LAMC1: variants seen among roughly 807,000 people sequenced by gnomAD.
LAMC1 encodes laminin subunit gamma 1.
A neutral mutation model predicts 173.6 loss-of-function variants in LAMC1; 38 were observed. The observed-to-expected ratio is 0.22, with a 90% CI of 0.17 to 0.29. The LOEUF (loss-of-function observed/expected upper bound fraction) is 0.29. LAMC1 is among the 10% of genes least tolerant of loss of function. The pLI is 1.00. For missense variants in LAMC1, 1,824 were observed against 2,051.8 expected (o/e 0.89, Z 2.14); for synonymous variants, 746 against 749.1 (o/e 1.00, Z 0.07).
chr1:183,049,502 C>T (rs527460160), intron 1 of LAMC1, among the ~76,000 whole-genome samples: 54 of 149,496 alleles, frequency 3.6e-4, no homozygotes, highest in Non-Finnish European at 5.9e-4. Flanking sequence ...TTAGCTCTGT[C>T]GCCCAGGCTG....
At chr1:183,081,884 A>C (rs540542958) in intron 1 of LAMC1, among the ~76,000 whole-genome samples, 37 of 152,214 alleles carry the variant, frequency 2.4e-4, no homozygotes, top group Admixed American at 1.6e-3. Flanking sequence ...TGCCCTAACA[A>C]TCCTCTGCTT....
intron 1 of LAMC1, among the ~76,000 whole-genome samples, chr1:183,087,817 C>CT (rs111291713): frequency 0.01 from 1,447 of 143,492 alleles, 10 homozygotes; most frequent in Middle Eastern, 0.04. Flanking sequence ...CTTTTCTTTC[C>CT]TTTTTTTTTT....
intron 1 of LAMC1, among the ~76,000 whole-genome samples, chr1:183,027,287 A>ACT (rs5779150): frequency 0.5 from 75,496 of 151,666 alleles, 19,475 homozygotes; most frequent in South Asian, 0.64. Flanking sequence ...TCCACCAGCC[A>ACT]CTTTTCTAAG....
intron 1 of LAMC1, among the ~76,000 whole-genome samples, chr1:183,073,553 C>T (rs1038899701): frequency 6.6e-6 from 1 of 152,172 alleles, no homozygotes; most frequent in Non-Finnish European, 1.5e-5. Context: ...TTGGAGCCAG[C>T]TTTGCATCAC....
rs1410943230 is a variant in LAMC1 at position 183,078,354 on chromosome 1, G to A, written c.419-24974G>A. Among the ~76,000 whole-genome samples the A allele has an allele frequency of 4.0e-5, 6 of 150,862 alleles. No individual in the cohort carries two copies. In the East Asian group the frequency reaches 8.0e-4, roughly 20 times the overall value. ...TCCCAGCACTTTGGGAGGCCGAGGC[G>A]GTGGATCACGAGGTCAGGAAATCGA... On this transcript the variant is annotated intron_variant, in intron 1 of 27. Coordinates refer to ENST00000258341, the MANE Select transcript of LAMC1 (RefSeq NM_002293.4).
intron 1 of LAMC1, among the ~76,000 whole-genome samples, chr1:183,054,562 C>G (rs1654533684): frequency 6.6e-6 from 1 of 152,150 alleles, no homozygotes; most frequent in Admixed American, 6.5e-5. Context: ...GAGAAGAAAG[C>G]AGGGGTAAAT....
chr1:183,134,883 C>T lies in LAMC1; in HGVS notation c.3999+74C>T, dbSNP rs574197240. On this transcript the variant is annotated intron_variant, in intron 23 of 27. Transcript: ENST00000258341. Reference sequence around the variant, plus strand: ...AGTCCAAATGGGTCTGTGATGATGCCGTACTTTCAGAGACAGCAGACCCCA... The same window carrying T: ...AGTCCAAATGGGTCTGTGATGATGCTGTACTTTCAGAGACAGCAGACCCCA... 1.3e-3 allele frequency: 1,893 copies of T among 1,469,980 alleles called. 3 individuals are homozygous for T. Among genetic ancestry groups the T allele is most frequent in the Non-Finnish European group, 1.7e-3 (1,811 of 1,063,782 alleles). 91.1% of individuals were successfully genotyped at this position (1,469,980 alleles called of 1,614,324 possible). A position where few individuals can be genotyped will look rare whatever the true frequency, so the allele number is the denominator to read the frequency against.
Position 183,134,564 on chromosome 1 carries a change from T to C in LAMC1, c.3850-96T>C, listed in dbSNP as rs1049298179. 3 of 935,332 alleles carry C rather than the reference T, an allele frequency of 3.2e-6. No homozygotes were observed. The African/African-American group carries it at 4.9e-5, about 15-fold the overall frequency. The allele number at this position is 935,332 out of a possible 1,614,324, so 57.9% of individuals were successfully genotyped here. A position where few individuals can be genotyped will look rare whatever the true frequency, so the allele number is the denominator to read the frequency against. Reference sequence around the variant, plus strand: ...GATCTGTGCAGTTCTTTTAAAAATATCATTGAGTATTAGGTGTTACAGAGT... The same window carrying C: ...GATCTGTGCAGTTCTTTTAAAAATACCATTGAGTATTAGGTGTTACAGAGT... On this transcript the variant is annotated intron_variant, in intron 22 of 27. Coordinates refer to ENST00000258341, the MANE Select transcript of LAMC1 (RefSeq NM_002293.4).
At chr1:183,116,442 A>C in intron 6 of LAMC1, 135 bp from the exon 7 acceptor site, 2 of 601,618 alleles carry the variant, frequency 3.3e-6, no homozygotes, top group Non-Finnish European at 2.9e-6. Context: ...GCGCCACTGC[A>C]CTCCATCCTG....
At chr1:183,105,232 AAAAAAAAAAAAAAAG>A (rs1165877308) in intron 2 of LAMC1, among the ~76,000 whole-genome samples, 4 of 144,818 alleles carry the variant, frequency 2.8e-5, no homozygotes, top group South Asian at 2.3e-4. Flanking sequence ...CTCAAAAAAA[AAAAAAAAAAAAAAAG>A]AAAGAAAGAA....
intron 26 of LAMC1, 155 bp downstream of exon 26, chr1:183,137,982 C>A (rs768826823): frequency 4.4e-6 from 3 of 678,146 alleles, no homozygotes; most frequent in Non-Finnish European, 6.6e-6. Context: ...ACATAGAAGA[C>A]AAAGAATTTG....
At chr1:183,114,764 T>G in intron 5 of LAMC1, 45 bp downstream of exon 5, 2 of 1,569,552 alleles carry the variant, frequency 1.3e-6, no homozygotes, top group Non-Finnish European at 1.7e-6. Context: ...GATAGTTCCG[T>G]GGACCCCCGG....
At chr1:183,090,837 G>A (rs964569367) in intron 1 of LAMC1, among the ~76,000 whole-genome samples, 1 of 152,164 alleles carries the variant, frequency 6.6e-6, no homozygotes, top group Non-Finnish European at 1.5e-5. Context: ...TATAGGAGGG[G>A]ACACTGCTGG....
chr1:183,142,776 A>G lies in LAMC1; in HGVS notation c.4816A>G (p.Ile1606Val). 6.2e-7 allele frequency: 1 copy of G among 1,612,060 alleles called. No homozygotes were observed. The highest frequency in any genetic ancestry group is 8.5e-7 in the Non-Finnish European group (1 of 1,178,982). Residue 1606 changes from isoleucine to valine, a missense_variant, in exon 28 of 28, where the codon ATT (isoleucine) becomes GTT (valine). Physicochemically the swap from Ile to Val is conservative, Grantham distance 29 (BLOSUM62 3). Coordinates refer to ENST00000258341, the MANE Select transcript of LAMC1 (RefSeq NM_002293.4). ...LPSGCFNTPS[I>V]EKP is the part of the protein sequence containing the mutation. ...ATCTGGCTGCTTCAACACCCCGTCCATTGAAAAGCCCTAGTGTCTTTAGGG... is the reference window on the plus strand; with the variant it reads ...ATCTGGCTGCTTCAACACCCCGTCCGTTGAAAAGCCCTAGTGTCTTTAGGG...
At chr1:183,129,120 CT>C (rs1656711252) in intron 18 of LAMC1, among the ~76,000 whole-genome samples, 1 of 135,936 alleles carries the variant, frequency 7.4e-6, no homozygotes, top group Admixed American at 7.6e-5. Context: ...CACAATCACT[CT>C]GTTGCCCAGG....
At chr1:183,037,096 G>A (rs776144864) in intron 1 of LAMC1, among the ~76,000 whole-genome samples, 1 of 152,210 alleles carries the variant, frequency 6.6e-6, no homozygotes, top group Admixed American at 6.5e-5. Flanking sequence ...GTTTTCAGTG[G>A]AAGACTTGTA....
intron 1 of LAMC1, among the ~76,000 whole-genome samples, chr1:183,096,114 T>A (rs1211258004): frequency 2.0e-5 from 3 of 152,228 alleles, no homozygotes; most frequent in Non-Finnish European, 4.4e-5. Context: ...AGAAAGCTTT[T>A]ATTTTTTAGA....
chr1:183,117,818 A>G, intron 10 of LAMC1, 95 bp downstream of exon 10: 1 of 1,153,064 alleles, frequency 8.7e-7, no homozygotes, highest in South Asian at 1.5e-5. Context: ...TATTTTAAAG[A>G]AAAACTTCTG....
At chr1:183,092,381 G>C (rs1473348064) in intron 1 of LAMC1, among the ~76,000 whole-genome samples, 2 of 151,672 alleles carry the variant, frequency 1.3e-5, no homozygotes, top group Non-Finnish European at 2.9e-5. Context: ...GGGGACACAT[G>C]TTCTCGGGAT....
Sources: gnomAD v4.1 joint callset for allele counts (sites outside exome capture counted in the v4.1 genomes callset) on GRCh38, gnomAD v4.1.1 for gene constraint, MANE v1.5 for transcripts, NCBI Gene and HGNC (gene_info 2026-07-23, HGNC 2026-07-21) for gene names.